Variants in ANKS1A observed in about 807,000 individuals in gnomAD.
The protein encoded by ANKS1A is ankyrin repeat and SAM domain-containing protein 1A.
A neutral mutation model predicts 120.3 loss-of-function variants in ANKS1A; 55 were observed. That is an observed-to-expected ratio of 0.46 (90% CI 0.37 to 0.57). ANKS1A has a LOEUF of 0.57. ANKS1A is among the 20% of genes least tolerant of loss of function. The pLI, the probability that ANKS1A is intolerant of heterozygous loss-of-function variation, is 0.00. For synonymous variants in ANKS1A, 590 were observed against 604.7 expected, an observed-to-expected ratio of 0.98 and a Z score of 0.36; for missense variants, 1,123 against 1,480.3, an observed-to-expected ratio of 0.76 and a Z score of 3.96.
At chr6:34,942,455 T>G (rs1213412300) in intron 1 of ANKS1A, among the ~76,000 whole-genome samples, 1 of 152,224 alleles carries the variant, frequency 6.6e-6, no homozygotes, top group East Asian at 1.9e-4. Flanking sequence ...TTCCAGTGTT[T>G]ACGTTTCATA....
chr6:34,943,183 G>T (rs546132026), intron 1 of ANKS1A, among the ~76,000 whole-genome samples: 63 of 152,226 alleles, frequency 4.1e-4, no homozygotes, highest in South Asian at 1.9e-3. Context: ...TTGAACTCTT[G>T]GGCTGAAGTG....
intron 13 of ANKS1A, among the ~76,000 whole-genome samples, chr6:35,074,444 A>T (rs1019185142): frequency 6.6e-6 from 1 of 152,114 alleles, no homozygotes; most frequent in Admixed American, 6.5e-5. Context: ...TACAAAAAAA[A>T]AAAATAGCCA....
intron 11 of ANKS1A, among the ~76,000 whole-genome samples, chr6:35,019,176 C>T (rs780562167): frequency 6.6e-6 from 1 of 152,164 alleles, no homozygotes; most frequent in Non-Finnish European, 1.5e-5. Flanking sequence ...TAGGTAAACA[C>T]CATGGGAATG....
At chr6:34,901,008 G>A (rs1438417403) in intron 1 of ANKS1A, among the ~76,000 whole-genome samples, 2 of 152,032 alleles carry the variant, frequency 1.3e-5, no homozygotes, top group African/African-American at 2.4e-5. Context: ...TCTCATGTAG[G>A]TGCACGTGTT....
In ANKS1A at chr6:35,086,818, C is replaced by T; in HGVS notation, c.3304-134C>T. On this transcript the variant is annotated intron_variant, in intron 22 of 23. Coordinates refer to ENST00000360359, the MANE Select transcript of ANKS1A (RefSeq NM_015245.3). This position sits in a 1 kb window ranked among gnomAD's most constrained non-coding sequence, Gnocchi z 5.1. Reference sequence around the variant, plus strand: ...CTCCGCCTGCCCCCAGGGGCCTGCTCTTTGGCCGAGGAGAATAAGGGCTGC... The same window carrying T: ...CTCCGCCTGCCCCCAGGGGCCTGCTTTTTGGCCGAGGAGAATAAGGGCTGC... 2 of 912,734 alleles carry T rather than the reference C, an allele frequency of 2.2e-6. No homozygotes were observed. The highest frequency in any genetic ancestry group is 1.4e-5 in the South Asian group (1 of 70,124). 56.5% of individuals were successfully genotyped at this position (912,734 alleles called of 1,614,324 possible).
intron 1 of ANKS1A, among the ~76,000 whole-genome samples, chr6:34,905,248 A>G (rs1767591690): frequency 6.6e-6 from 1 of 151,840 alleles, no homozygotes; most frequent in Non-Finnish European, 1.5e-5. Context: ...CATGCTCACC[A>G]CTCTTCCTCT....
intron 10 of ANKS1A, among the ~76,000 whole-genome samples, chr6:34,994,809 C>G (rs530445346): frequency 3.9e-5 from 6 of 152,292 alleles, no homozygotes; most frequent in Non-Finnish European, 5.9e-5. Context: ...GGCACAGACT[C>G]TGCTTTTGAG....
the ANKS1A span, among the ~76,000 whole-genome samples, chr6:35,097,505 T>C: frequency 1.5e-4 from 21 of 140,138 alleles, no homozygotes; most frequent in African/African-American, 5.8e-4. Context: ...CCAGACTCCG[T>C]CTCAAAAAAA....
rs1359964615 is a variant in ANKS1A at position 34,978,976 on chromosome 6, A to G, written c.436-2714A>G. Among the ~76,000 whole-genome samples, 6 of 145,262 alleles carry G rather than the reference A, an allele frequency of 4.1e-5. No individual in the cohort carries two copies. In the Admixed American group the frequency reaches 4.1e-4, roughly 10 times the overall value. On this transcript the variant is annotated intron_variant, in intron 3 of 23. Coordinates refer to ENST00000360359, the MANE Select transcript of ANKS1A (RefSeq NM_015245.3). ...AGTGGCGCAATCTCGGCTCACTGCA[A>G]CCTCCGCCTCCTGGGTTCACGCCAT...
chr6:34,936,061 CAAA>C (rs34851777), intron 1 of ANKS1A, among the ~76,000 whole-genome samples: 4 of 36,306 alleles, frequency 1.1e-4, no homozygotes, highest in African/African-American at 2.2e-4. Flanking sequence ...GACTCCGTCT[CAAA>C]AAAAAAAAAA....
intron 13 of ANKS1A, among the ~76,000 whole-genome samples, chr6:35,074,046 AAGCTGCACAC>A (rs1777214564): frequency 6.6e-6 from 1 of 152,238 alleles, no homozygotes; most frequent in African/African-American, 2.4e-5. Context: ...TTGTTCCTCA[AAGCTGCACAC>A]AGCCCGCCCT....
At chr6:34,902,290 C>T (rs1355570788) in intron 1 of ANKS1A, among the ~76,000 whole-genome samples, 4 of 151,892 alleles carry the variant, frequency 2.6e-5, no homozygotes, top group African/African-American at 7.3e-5. Flanking sequence ...GCTCTTGCTG[C>T]CCATGCTGGA....
intron 1 of ANKS1A, among the ~76,000 whole-genome samples, chr6:34,943,585 C>T (rs183215596): frequency 2.6e-5 from 4 of 152,284 alleles, no homozygotes; most frequent in African/African-American, 9.6e-5. Flanking sequence ...ATCTATTCAC[C>T]TGTCTTCCCT....
chr6:34,904,377 C>T (rs547631559), intron 1 of ANKS1A, among the ~76,000 whole-genome samples: 68 of 151,868 alleles, frequency 4.5e-4, no homozygotes, highest in Admixed American at 2.1e-3. Flanking sequence ...CCATCAATAT[C>T]GAGGGCTAAC....
chr6:34,994,180 C>A, intron 9 of ANKS1A, 122 bp from the exon 10 acceptor site: 1 of 1,291,136 alleles, frequency 7.7e-7, no homozygotes, highest in Non-Finnish European at 1.1e-6. Flanking sequence ...GAATTATTCA[C>A]CTTCTCTTTT....
chr6:34,924,953 CT>C (rs1321794966), intron 1 of ANKS1A, among the ~76,000 whole-genome samples: 1 of 152,164 alleles, frequency 6.6e-6, no homozygotes, highest in East Asian at 1.9e-4. Context: ...TCTACTATCA[CT>C]TTTTTTCCCC....
chr6:34,902,884 C>T (rs1271470783), intron 1 of ANKS1A, among the ~76,000 whole-genome samples: 3 of 151,006 alleles, frequency 2.0e-5, no homozygotes, highest in South Asian at 2.1e-4. Flanking sequence ...CCATCATTTC[C>T]GGTTACCTTT....
intron 23 of ANKS1A, 47 bp from the exon 24 acceptor site, chr6:35,088,559 C>T (rs775053549): frequency 6.2e-7 from 1 of 1,609,864 alleles, no homozygotes; most frequent in South Asian, 1.1e-5. Flanking sequence ...CGTCCGCAGG[C>T]CCCATTGGTT....
chr6:35,095,073 C>T (rs1455528954), downstream of ANKS1A, among the ~76,000 whole-genome samples: 3 of 141,776 alleles, frequency 2.1e-5, no homozygotes, highest in African/African-American at 7.9e-5. Flanking sequence ...CCCAGGAGGT[C>T]GAGGCTGCAG....
Sources: gnomAD v4.1 joint callset for allele counts (sites outside exome capture counted in the v4.1 genomes callset) on GRCh38, gnomAD v4.1.1 for gene constraint, Gnocchi (gnomAD v3.1) non-coding constraint, MANE v1.5 for transcripts, NCBI Gene and HGNC (gene_info 2026-07-23, HGNC 2026-07-21) for gene names.